Variants in USP34 observed in about 807,000 individuals in gnomAD.
USP34 encodes ubiquitin specific peptidase 34.
A neutral mutation model predicts 460.3 loss-of-function variants in USP34; 70 were observed. The ratio of observed to expected loss-of-function variants is 0.15; its 90% CI spans 0.13 to 0.19. USP34 has a LOEUF of 0.19. Among genes scored for constraint, USP34 ranks in the 10% least tolerant of loss-of-function variants. The pLI, the probability that USP34 is intolerant of heterozygous loss-of-function variation, is 1.00. For missense variants in USP34, 3,985 were observed against 4,236.2 expected, an observed-to-expected ratio of 0.94 and a Z score of 1.65; for synonymous variants, 1,647 against 1,405.3, an observed-to-expected ratio of 1.17 and a Z score of -3.85.
chr2:61,292,784 G>C (rs1689900011), intron 33 of USP34, among the ~76,000 whole-genome samples: 1 of 152,040 alleles, frequency 6.6e-6, no homozygotes, highest in Non-Finnish European at 1.5e-5. Flanking sequence ...AAACTGGCCT[G>C]GGCAGTTTTG....
chr2:61,455,636 G>T (rs753134388), intron 1 of USP34, among the ~76,000 whole-genome samples: 36 of 152,166 alleles, frequency 2.4e-4, no homozygotes, highest in Non-Finnish European at 4.3e-4. Context: ...ATACCACGTA[G>T]ACCAACTTAA....
Position 61,314,981 on chromosome 2 carries a change from A to C in USP34, c.3283-7T>G, listed in dbSNP as rs1690698687. The C allele has an allele frequency of 6.2e-7, 1 of 1,601,900 alleles. No individual in the cohort carries two copies. Among genetic ancestry groups the C allele is most frequent in the African/African-American group, 1.3e-5 (1 of 74,316 alleles). ...ATTGGTCCATACCACACAGCTAAGA[A>C]AGAAAAATATGGTATCTCTAAATTT... On this transcript the variant is annotated splice_region_variant and splice_polypyrimidine_tract_variant and intron_variant, in intron 23 of 79. Transcript: ENST00000398571.
chr2:61,265,296 A>G (rs1689015579), intron 43 of USP34, 101 bp downstream of exon 43: 1 of 1,335,418 alleles, frequency 7.5e-7, no homozygotes, highest in African/African-American at 1.5e-5. Flanking sequence ...TTTATTCACA[A>G]ATTATTTTTT....
intron 21 of USP34, among the ~76,000 whole-genome samples, chr2:61,319,538 TA>T (rs11361640): frequency 0.53 from 78,156 of 146,508 alleles, 20,676 homozygotes; most frequent in South Asian, 0.74. Context: ...TATTTATGAT[TA>T]AAAAAAAAAA....
At chr2:61,293,951 G>A (rs1198303170) in intron 32 of USP34, among the ~76,000 whole-genome samples, 1 of 151,882 alleles carries the variant, frequency 6.6e-6, no homozygotes, top group Admixed American at 6.6e-5. Flanking sequence ...GGAGGTCAAG[G>A]CTGCAGTCAG....
Position 61,394,888 on chromosome 2 carries a change from G to A in USP34, c.718C>T (p.Leu240Phe), listed in dbSNP as rs778399872. The change falls in exon 5 of 80, where the codon CTT (leucine) becomes TTT (phenylalanine). Residue 240 changes from leucine (L) to phenylalanine (F), a missense_variant. Transcript: ENST00000398571. The part of the protein sequence containing the change: ...EYGTPETLPF[L>F]IAHAFITVVS... ...ACTGTAATAAACGCATGTGCTATAA[G>A]AAATGGCAAAGTTTCAGGAGTTCCA... is the stretch of plus-strand genomic sequence containing the variant. The A allele has an allele frequency of 1.9e-6, 3 of 1,596,088 alleles. No homozygotes were observed. Among genetic ancestry groups the A allele is most frequent in the South Asian group, 2.3e-5 (2 of 86,662 alleles).
intron 1 of USP34, among the ~76,000 whole-genome samples, chr2:61,449,161 GGGAGGGACA>G (rs1436738070): frequency 3.0e-4 from 13 of 43,306 alleles, no homozygotes; most frequent in Non-Finnish European, 6.1e-4. Context: ...ATGGAGGGAC[GGGAGGGACA>G]GGAGGGACAA....
intron 15 of USP34, among the ~76,000 whole-genome samples, chr2:61,344,502 C>T (rs1047897831): frequency 6.6e-6 from 1 of 151,980 alleles, no homozygotes; most frequent in Non-Finnish European, 1.5e-5. Flanking sequence ...ACATTGTTAC[C>T]GGACATAAAG....
At chr2:61,466,090 A>T (rs1414085822) in intron 1 of USP34, among the ~76,000 whole-genome samples, 1 of 152,128 alleles carries the variant, frequency 6.6e-6, no homozygotes, top group Non-Finnish European at 1.5e-5. Context: ...AGTGAGATAG[A>T]AGGAATAAGT....
chr2:61,211,603 A>G (rs1687274483), intron 69 of USP34, among the ~76,000 whole-genome samples, 169 bp downstream of exon 69: 1 of 152,212 alleles, frequency 6.6e-6, no homozygotes, highest in Non-Finnish European at 1.5e-5. Flanking sequence ...AATACAAACC[A>G]AAGCCAGACC....
intron 48 of USP34, among the ~76,000 whole-genome samples, chr2:61,252,360 A>G (rs1688608833): frequency 6.6e-6 from 1 of 151,524 alleles, no homozygotes; most frequent in Admixed American, 6.6e-5. Flanking sequence ...CATTCAGTTA[A>G]GTGTCAATTG....
intron 1 of USP34, among the ~76,000 whole-genome samples, chr2:61,422,049 G>C (rs1043957962): frequency 1.3e-5 from 2 of 152,192 alleles, no homozygotes; most frequent in Non-Finnish European, 2.9e-5. Flanking sequence ...CCCAAGACCA[G>C]GCTTTTGGGA....
intron 16 of USP34, among the ~76,000 whole-genome samples, chr2:61,340,901 T>A (rs2103756769): frequency 6.6e-6 from 1 of 151,782 alleles, no homozygotes; most frequent in South Asian, 2.1e-4. Context: ...TGTTTTGGTA[T>A]TTCGCTTTCA....
chr2:61,311,472 G>GAGAAAGAAAA (rs1484385561), intron 27 of USP34, 68 bp downstream of exon 27: 13 of 1,429,636 alleles, frequency 9.1e-6, no homozygotes, highest in East Asian at 2.6e-5. Flanking sequence ...AAGGAGAAAA[G>GAGAAAGAAAA]AGAAAGAGAA....
At chr2:61,345,325 A>C (rs1272501868) in intron 15 of USP34, among the ~76,000 whole-genome samples, 1 of 152,180 alleles carries the variant, frequency 6.6e-6, no homozygotes, top group Non-Finnish European at 1.5e-5. Context: ...ATCTTGAAAA[A>C]CACTTCCTTA....
intron 18 of USP34, among the ~76,000 whole-genome samples, chr2:61,335,855 T>C (rs1691400159): frequency 6.6e-6 from 1 of 152,104 alleles, no homozygotes; most frequent in Non-Finnish European, 1.5e-5. Context: ...ATTCCAAGAG[T>C]TTGTGTTGTA....
rs189034455 is a variant in USP34 at position 61,301,366 on chromosome 2, A to C, written c.3906T>G (p.Phe1302Leu). The change falls in exon 28 of 80, where the codon TTT becomes TTG. Residue 1302 changes from phenylalanine to leucine, a missense_variant. By Grantham distance (22) the Phe-to-Leu change is conservative. This residue lies in a region of USP34 where 1,114 missense variants were observed against 1,122.5 expected (regional missense o/e 0.99). Transcript: ENST00000398571. ...TTTATATATGTACCTGCATATCCTT[A>C]AAACCAAGCTCATGAAGTGCTTTTT... ...YDEKALHELG[F>L]KDMQMVFVSL... 6.2e-7 allele frequency: 1 copy of C among 1,613,760 alleles called. No individual in the cohort carries two copies.
chr2:61,403,587 T>C (rs941009132), intron 3 of USP34, among the ~76,000 whole-genome samples: 3 of 152,116 alleles, frequency 2.0e-5, no homozygotes, highest in Non-Finnish European at 4.4e-5. Context: ...TTATTTAAGT[T>C]TCTATACTGG....
At chr2:61,329,269 GC>G (rs1691189317) in intron 20 of USP34, among the ~76,000 whole-genome samples, 1 of 151,642 alleles carries the variant, frequency 6.6e-6, no homozygotes, top group Non-Finnish European at 1.5e-5. Context: ...CAGGTGATCT[GC>G]CTGCCTCAGC....
Sources: allele counts gnomAD v4.1 joint callset (sites outside exome capture counted in the v4.1 genomes callset), GRCh38; gene constraint gnomAD v4.1.1; regional missense constraint gnomAD v4.1.1; transcripts MANE v1.5; gene names NCBI Gene and HGNC (gene_info 2026-07-23, HGNC 2026-07-21).